Variants in DPH6 observed in about 807,000 individuals in gnomAD.
DPH6 encodes the protein diphthine--ammonia ligase.
DPH6 carries 33 observed loss-of-function variants against 38.2 expected under a neutral mutation model. That is an observed-to-expected ratio of 0.86 (90% confidence interval 0.65 to 1.15). DPH6 has a LOEUF of 1.15. Ranked by LOEUF, DPH6 falls within the 50% of genes most tolerant of loss-of-function variation. The pLI is 0.00. For synonymous variants in DPH6, 108 were observed against 103.0 expected, an observed-to-expected ratio of 1.05 and a Z score of -0.30; for missense variants, 325 against 320.0, an observed-to-expected ratio of 1.02 and a Z score of -0.12.
the DPH6 span, among the ~76,000 whole-genome samples, chr15:35,181,493 AT>A: frequency 2.0e-5 from 3 of 147,810 alleles, 1 homozygote; most frequent in South Asian, 4.4e-4. Context: ...AAAAAAAAAA[AT>A]TATCTTTTAA....
rs563679050 is a variant in DPH6, at chr15:35,439,906, G to T, written c.505+10779C>A. On this transcript the variant is annotated intron_variant, in intron 5 of 8. Coordinates refer to ENST00000256538, the MANE Select transcript of DPH6 (RefSeq NM_080650.4). ...CACATTACGCAAATAATCAAGCCAA[G>T]TATGAGACTAAAGTTATTTTGCAAA... Among the ~76,000 whole-genome samples, 3 of 152,244 alleles carry T rather than the reference G, an allele frequency of 2.0e-5. No individual in the cohort carries two copies. In the East Asian group the frequency reaches 5.8e-4, roughly 29 times the overall value.
intron 3 of DPH6, 103 bp downstream of exon 3, chr15:35,538,171 G>A: frequency 9.8e-7 from 1 of 1,022,352 alleles, no homozygotes; most frequent in Non-Finnish European, 1.3e-6. Flanking sequence ...AGAATAGTTG[G>A]GCTACTAACA....
At chr15:35,276,955 T>C (rs2051863414) in intron 3 of DPH6, among the ~76,000 whole-genome samples, 1 of 152,220 alleles carries the variant, frequency 6.6e-6, no homozygotes, top group African/African-American at 2.4e-5. Flanking sequence ...TTTTTTCTGA[T>C]TCTGTGAAGA....
chr15:35,382,400 C>T (rs2052882309), intron 6 of DPH6, among the ~76,000 whole-genome samples: 1 of 152,120 alleles, frequency 6.6e-6, no homozygotes, highest in African/African-American at 2.4e-5. Context: ...GAGCCGAGAT[C>T]AGCCTGGGCG....
intron 3 of DPH6, among the ~76,000 whole-genome samples, chr15:35,466,947 G>A (rs1472046862): frequency 3.3e-5 from 5 of 152,066 alleles, no homozygotes; most frequent in Non-Finnish European, 7.4e-5. Flanking sequence ...ATTGTTTTGG[G>A]TGAATCAGTG....
the DPH6 span, among the ~76,000 whole-genome samples, chr15:35,204,234 C>A: frequency 6.6e-6 from 1 of 151,650 alleles, no homozygotes; most frequent in East Asian, 1.9e-4. Context: ...TACTATCATC[C>A]TGTCTTCAGA....
intron 5 of DPH6, among the ~76,000 whole-genome samples, chr15:35,415,254 G>A (rs1474989103): frequency 2.6e-5 from 4 of 151,620 alleles, no homozygotes; most frequent in Non-Finnish European, 4.4e-5. Context: ...CTAACTGTGT[G>A]TGTGTGTGTG....
At chr15:35,318,086 C>G (rs775602541) in intron 3 of DPH6, among the ~76,000 whole-genome samples, 1 of 151,736 alleles carries the variant, frequency 6.6e-6, no homozygotes, top group Non-Finnish European at 1.5e-5. Context: ...AGCAATTGCT[C>G]CAATTAAAAC....
At chr15:35,188,885 A>G in the DPH6 span, among the ~76,000 whole-genome samples, 2 of 152,126 alleles carry the variant, frequency 1.3e-5, no homozygotes, top group East Asian at 3.9e-4. Context: ...AAAAAAAAAA[A>G]AATTCATGAT....
intron 3 of DPH6, among the ~76,000 whole-genome samples, chr15:35,245,232 C>CTTTTTTTTTTTTTT (rs71123123): frequency 1.2e-5 from 1 of 81,384 alleles, no homozygotes; most frequent in African/African-American, 4.5e-5. Flanking sequence ...ATTGTTCTTG[C>CTTTTTTTTTTTTTT]TTTTTTTTTT....
At chr15:35,359,802 GT>G (rs2052598411) in intron 3 of DPH6, among the ~76,000 whole-genome samples, 2 of 152,134 alleles carry the variant, frequency 1.3e-5, no homozygotes, top group South Asian at 4.2e-4. Context: ...CATCTTCTAA[GT>G]TTTTCAGTTC....
chr15:35,259,076 T>C (rs1051316684), intron 3 of DPH6, among the ~76,000 whole-genome samples: 22 of 146,296 alleles, frequency 1.5e-4, no homozygotes, highest in African/African-American at 5.6e-4. Flanking sequence ...ACCCAGGAGG[T>C]GGAGGTTGCA....
At chr15:35,517,070 T>C (rs755614097) in intron 3 of DPH6, among the ~76,000 whole-genome samples, 4 of 152,132 alleles carry the variant, frequency 2.6e-5, no homozygotes, top group Non-Finnish European at 5.9e-5. Flanking sequence ...TAATAAAATA[T>C]AATAGCTTGC....
At chr15:35,271,298 T>C (rs2051820991) in intron 3 of DPH6, among the ~76,000 whole-genome samples, 1 of 152,182 alleles carries the variant, frequency 6.6e-6, no homozygotes, top group African/African-American at 2.4e-5. Context: ...CTGGCTTTCA[T>C]CAACCCCACC....
In DPH6 at chr15:35,407,156, T is replaced by C. The variant is rs570314806; in HGVS notation, c.567+3679A>G. 1.3e-3 allele frequency among the ~76,000 whole-genome samples: 193 copies of C among 152,114 alleles called. 1 individual carries two copies. The Middle Eastern group carries it at 0.02, about 16-fold the overall frequency. ...ATTGAGAAACTAGAAGATTACATAC[T>C]ATATTAATGTGACAGAATTACCTCG... On this transcript the variant is annotated intron_variant, in intron 6 of 8. Coordinates refer to ENST00000256538, the MANE Select transcript of DPH6 (RefSeq NM_080650.4).
chr15:35,489,683 G>C (rs1416413801), intron 3 of DPH6: 2 of 971,770 alleles, frequency 2.1e-6, no homozygotes, highest in Non-Finnish European at 2.4e-6. Context: ...TACAGAATAA[G>C]ATCTCTTTTG....
chr15:35,520,656 T>C, intron 3 of DPH6: 1 of 985,090 alleles, frequency 1.0e-6, no homozygotes, highest in Middle Eastern at 5.2e-4. Flanking sequence ...TTATCTCATT[T>C]TGGTAATTTG....
chr15:35,179,228 GA>G, the DPH6 span, among the ~76,000 whole-genome samples: 12 of 109,624 alleles, frequency 1.1e-4, no homozygotes, highest in South Asian at 3.0e-3. Context: ...AAAAAAAAAA[GA>G]AAAAAAATGT....
chr15:35,408,109 G>C (rs926918166), intron 6 of DPH6, among the ~76,000 whole-genome samples: 1 of 151,906 alleles, frequency 6.6e-6, no homozygotes, highest in South Asian at 2.1e-4. Flanking sequence ...GAAGTGCTTG[G>C]ATTTATAATA....
Sources: allele counts gnomAD v4.1 joint callset (sites outside exome capture counted in the v4.1 genomes callset), GRCh38; gene constraint gnomAD v4.1.1; transcripts MANE v1.5; gene names NCBI Gene and HGNC (gene_info 2026-07-23, HGNC 2026-07-21).